RARG: variants seen among roughly 807,000 people sequenced by gnomAD.
RARG encodes the protein RAR-gamma.
A neutral mutation model predicts 43.7 loss-of-function variants in RARG; 17 were observed. That is an observed-to-expected ratio of 0.39 (90% CI 0.27 to 0.58). RARG has a LOEUF of 0.58. Ranked by LOEUF, RARG falls within the 20% of genes least tolerant of loss-of-function variation. RARG has a pLI of 0.57. For missense variants in RARG, 346 were observed against 598.7 expected, an observed-to-expected ratio of 0.58 and a Z score of 4.40; for synonymous variants, 238 against 236.4, an observed-to-expected ratio of 1.01 and a Z score of -0.06.
chr12:53,222,124 A>G (rs1244211337), intron 3 of RARG, among the ~76,000 whole-genome samples: 2 of 151,702 alleles, frequency 1.3e-5, no homozygotes, highest in African/African-American at 4.8e-5. Flanking sequence ...TGGAGAGGGA[A>G]TGCACTGCTC....
At chr12:53,224,079 A>G (rs1019380454) in intron 3 of RARG, among the ~76,000 whole-genome samples, 1 of 152,170 alleles carries the variant, frequency 6.6e-6, no homozygotes, top group Non-Finnish European at 1.5e-5. Context: ...AGGGACACAG[A>G]CACCTGAGGT....
At position 53,213,849 on chromosome 12, in the gene RARG, AG is replaced by A; in HGVS notation, c.814-150del. 1 of 1,109,596 alleles carries A rather than the reference AG, an allele frequency of 9.0e-7. No homozygotes were observed. Among genetic ancestry groups the A allele is most frequent in the African/African-American group, 1.6e-5 (1 of 64,092 alleles). 68.7% of individuals were successfully genotyped at this position (1,109,596 alleles called of 1,614,324 possible). A position where few individuals can be genotyped will look rare whatever the true frequency, so the allele number is the denominator to read the frequency against. On this transcript the variant is annotated intron_variant, in intron 7 of 9. Transcript: ENST00000425354. The surrounding 1 kb of genome is among the most constrained non-coding windows in gnomAD (Gnocchi z 4.7). ...AGAGGTGGAGGATCTGAGGCTTGGC[AG>A]GGGTAGTCCCGGGAAGTCAGGAGGA...
chr12:53,211,353 A>C lies in RARG; in HGVS notation c.*323T>G. Reference sequence around the variant, plus strand: ...ACCTGGCAGAGGAAGGGGCTGTGGAATGGCAGGGTCTTCCTCTTGCCCTGG... The same window carrying C: ...ACCTGGCAGAGGAAGGGGCTGTGGACTGGCAGGGTCTTCCTCTTGCCCTGG... On this transcript the variant is annotated 3_prime_UTR_variant, in exon 10 of 10. Transcript: ENST00000425354. The surrounding 1 kb of genome is among the most constrained non-coding windows in gnomAD (Gnocchi z 4.6). 1.3e-5 allele frequency: 3 copies of C among 230,290 alleles called. No homozygotes were observed. Among genetic ancestry groups the C allele is most frequent in the Non-Finnish European group, 8.4e-6 (1 of 118,636 alleles). 14.3% of individuals were successfully genotyped at this position (230,290 alleles called of 1,614,324 possible).
chr12:53,215,235 G>A lies in RARG; in HGVS notation c.475+58C>T. On this transcript the variant is annotated intron_variant, in intron 5 of 9. Coordinates refer to ENST00000425354, the MANE Select transcript of RARG (RefSeq NM_000966.6). This position sits in a 1 kb window ranked among gnomAD's most constrained non-coding sequence, Gnocchi z 6.4. ...AGTGGGAGTGGCCAGAGGAAAGAGG[G>A]CCACAGCCATAGGGTAGGACCGAAG... 5 of 1,588,244 alleles carry A rather than the reference G, an allele frequency of 3.1e-6. No individual in the cohort carries two copies. The highest frequency in any genetic ancestry group is 3.4e-6 in the Non-Finnish European group (4 of 1,165,740).
intron 3 of RARG, chr12:53,220,075 G>A: frequency 1.9e-6 from 3 of 1,549,548 alleles, no homozygotes; most frequent in Middle Eastern, 1.7e-4. Flanking sequence ...CGGACCCGGG[G>A]CAAACGTTTC....
chr12:53,231,004 C>T (rs1943224198), intron 2 of RARG, among the ~76,000 whole-genome samples, 165 bp downstream of exon 2: 1 of 152,114 alleles, frequency 6.6e-6, no homozygotes, highest in African/African-American at 2.4e-5. Context: ...GACCCCAACT[C>T]AGCATCTGAC....
intron 3 of RARG, among the ~76,000 whole-genome samples, chr12:53,216,845 C>T (rs879309802): frequency 0.057 from 5,904 of 104,196 alleles, 184 homozygotes; most frequent in South Asian, 0.17. Flanking sequence ...TGTGTGTGCG[C>T]GCGCGCGCGC....
At chr12:53,214,647 A>G (rs1356213232) in intron 5 of RARG, 41 bp from the exon 6 acceptor site, 2 of 1,562,476 alleles carry the variant, frequency 1.3e-6, no homozygotes, top group Admixed American at 1.8e-5. Context: ...GGACCCTCAG[A>G]GCCTCCCTTT....
intron 3 of RARG, among the ~76,000 whole-genome samples, chr12:53,222,065 C>T (rs2120698719): frequency 6.6e-6 from 1 of 151,886 alleles, no homozygotes; most frequent in Middle Eastern, 3.4e-3. Context: ...TTGTGGATGG[C>T]GAGGAAACCT....
rs1197540752 is a variant in RARG, at chr12:53,214,542, A to G, written c.540T>C (p.Tyr180=). 5 of 1,613,108 alleles carry G rather than the reference A, an allele frequency of 3.1e-6. No individual in the cohort carries two copies. In the East Asian group the frequency reaches 6.7e-5, roughly 22 times the overall value. ...EVKEEGSPDS[Y]ELSPQLEELI... ...GCTCTTCTAACTGAGGGCTCAGCTC[A>G]TAGCTGTCAGGTGACCCTTCTTCCT... The change falls in exon 6 of 10, where the codon TAT becomes TAC. Residue 180 remains tyrosine, a synonymous_variant. Coordinates refer to ENST00000425354, the MANE Select transcript of RARG (RefSeq NM_000966.6).
chr12:53,223,973 G>A (rs563018179), intron 3 of RARG, among the ~76,000 whole-genome samples: 16 of 152,168 alleles, frequency 1.1e-4, no homozygotes, highest in African/African-American at 2.7e-4. Context: ...CTCAGGGGTG[G>A]GAGGACGGCA....
chr12:53,220,803 A>T (rs1942935456), intron 3 of RARG, among the ~76,000 whole-genome samples: 1 of 151,944 alleles, frequency 6.6e-6, no homozygotes, highest in Non-Finnish European at 1.5e-5. Flanking sequence ...TTTTCACACT[A>T]GTCAATACAG....
rs1942575742 is a variant in RARG, at chr12:53,211,091, G to C, written c.*585C>G. The stretch of plus-strand genomic sequence containing the variant: ...CTCTGCACCCGAGCCAAGAGGTGCA[G>C]AATGGACCTGCATCTATCTGTCCCT... On this transcript the variant is annotated 3_prime_UTR_variant, in exon 10 of 10. Transcript: ENST00000425354. The surrounding 1 kb of genome is among the most constrained non-coding windows in gnomAD (Gnocchi z 4.6). 6.5e-6 allele frequency: 1 copy of C among 152,708 alleles called. No individual in the cohort carries two copies. The highest frequency in any genetic ancestry group is 2.4e-5 in the African/African-American group (1 of 41,446). The allele number at this position is 152,708 out of a possible 1,614,324, so 9.5% of individuals were successfully genotyped here.
chr12:53,226,760 C>T (rs1943117063), intron 3 of RARG, among the ~76,000 whole-genome samples: 1 of 151,706 alleles, frequency 6.6e-6, no homozygotes, highest in Middle Eastern at 3.2e-3. Context: ...TACAAGTGTG[C>T]GCCACTACGC....
chr12:53,220,202 G>C, intron 3 of RARG: 1 of 1,548,264 alleles, frequency 6.5e-7, no homozygotes. Context: ...AGGGGGGGAG[G>C]GGGAGGGCTA....
In RARG at chr12:53,215,456, A is replaced by T; in HGVS notation, c.334-22T>A. Reference sequence around the variant, plus strand: ...AGCCCTGGAGTTGAGGGAAAGAGAGAGGGCCTCTGAAGCACAATGCTGGGA... The same window carrying T: ...AGCCCTGGAGTTGAGGGAAAGAGAGTGGGCCTCTGAAGCACAATGCTGGGA... On this transcript the variant is annotated intron_variant, in intron 4 of 9. Transcript: ENST00000425354. The surrounding 1 kb of genome is among the most constrained non-coding windows in gnomAD (Gnocchi z 6.4). 1 of 1,613,608 alleles carries T rather than the reference A, an allele frequency of 6.2e-7. No homozygotes were observed. Among genetic ancestry groups the T allele is most frequent in the Non-Finnish European group, 8.5e-7 (1 of 1,179,762 alleles).
chr12:53,226,338 A>G (rs1250791333), intron 3 of RARG, among the ~76,000 whole-genome samples: 1 of 142,804 alleles, frequency 7.0e-6, no homozygotes, highest in African/African-American at 2.6e-5. Flanking sequence ...TTTATTTTTT[A>G]TCTTTTTGAG....
chr12:53,219,846 C>A (rs916287066), intron 3 of RARG: 3 of 1,129,224 alleles, frequency 2.7e-6, no homozygotes. Context: ...ATAGAAAGGG[C>A]CAGAAGCTCC....
At chr12:53,221,254 G>A (rs577057455) in intron 3 of RARG, among the ~76,000 whole-genome samples, 17 of 148,730 alleles carry the variant, frequency 1.1e-4, no homozygotes, top group Admixed American at 1.1e-3. Flanking sequence ...CCGAGTCCCC[G>A]AAGCCTTATC....
Sources: allele counts gnomAD v4.1 joint callset (sites outside exome capture counted in the v4.1 genomes callset), GRCh38; gene constraint gnomAD v4.1.1; non-coding constraint Gnocchi (gnomAD v3.1); transcripts MANE v1.5; gene names NCBI Gene and HGNC (gene_info 2026-07-23, HGNC 2026-07-21).